The following UGGT2 variants were observed in gnomAD, a reference collection of about 807,000 sequenced individuals.
UGGT2 encodes UDP-glucose glycoprotein glucosyltransferase 2.
In UGGT2, 180 loss-of-function variants were observed where a neutral mutation model predicts 192.1. The ratio of observed to expected loss-of-function variants is 0.94; its 90% CI spans 0.83 to 1.06. The LOEUF is 1.06. UGGT2 is among the 50% of genes least tolerant of loss of function. The pLI, the probability that UGGT2 is intolerant of heterozygous loss-of-function variation, is 0.00. For missense variants in UGGT2, 1,849 were observed against 1,795.7 expected (o/e 1.03, Z -0.54); for synonymous variants, 580 against 591.0 (o/e 0.98, Z 0.27).
intron 19 of UGGT2, 53 bp downstream of exon 19, chr13:95,926,975 A>G (rs2049034393): frequency 6.8e-7 from 1 of 1,478,850 alleles, no homozygotes; most frequent in Non-Finnish European, 9.1e-7. Flanking sequence ...CCTTATGAAC[A>G]TTACAAGTTT....
intron 20 of UGGT2, among the ~76,000 whole-genome samples, chr13:95,907,870 A>G (rs1370638564): frequency 6.6e-6 from 1 of 152,242 alleles, no homozygotes; most frequent in African/African-American, 2.4e-5. Context: ...CTCGCCAGCA[A>G]CAGAACAAAG....
intron 33 of UGGT2, chr13:95,856,692 C>A: frequency 2.4e-6 from 1 of 418,156 alleles, no homozygotes; most frequent in South Asian, 1.8e-5. Context: ...GGAACACCTA[C>A]ATATCAAATA....
chr13:95,998,406 T>C (rs2051694546), intron 6 of UGGT2, among the ~76,000 whole-genome samples: 1 of 152,148 alleles, frequency 6.6e-6, no homozygotes, highest in African/African-American at 2.4e-5. Flanking sequence ...TAACCAAAAA[T>C]ATTTAAATTA....
chr13:96,017,257 G>T (rs2052367649), intron 4 of UGGT2, among the ~76,000 whole-genome samples: 1 of 152,168 alleles, frequency 6.6e-6, no homozygotes, highest in African/African-American at 2.4e-5. Context: ...AATTTGCAAT[G>T]TGAGAAGGAC....
intron 4 of UGGT2, among the ~76,000 whole-genome samples, chr13:96,017,493 C>T (rs919954810): frequency 6.6e-6 from 1 of 152,122 alleles, no homozygotes; most frequent in Non-Finnish European, 1.5e-5. Flanking sequence ...GACTGCAGAA[C>T]CATAAACCAA....
At chr13:95,909,720 T>G (rs1367028506) in intron 20 of UGGT2, among the ~76,000 whole-genome samples, 6 of 133,780 alleles carry the variant, frequency 4.5e-5, no homozygotes, top group Non-Finnish European at 7.7e-5. Flanking sequence ...ACCGGCACAA[T>G]GTGCACATGT....
At chr13:95,809,130 C>G (rs1235415219) in intron 38 of UGGT2, among the ~76,000 whole-genome samples, 1 of 152,064 alleles carries the variant, frequency 6.6e-6, no homozygotes, top group Non-Finnish European at 1.5e-5. Flanking sequence ...TGATTTAGCT[C>G]TTTTTAAAAA....
chr13:96,024,071 T>C (rs1240488762), intron 2 of UGGT2, among the ~76,000 whole-genome samples: 3 of 152,226 alleles, frequency 2.0e-5, no homozygotes, highest in Admixed American at 1.3e-4. Flanking sequence ...GGATAAGATA[T>C]AAGTCCTACC....
At chr13:95,834,079 T>C (rs931961798) in intron 37 of UGGT2, among the ~76,000 whole-genome samples, 7 of 152,196 alleles carry the variant, frequency 4.6e-5, no homozygotes, top group Non-Finnish European at 7.3e-5. Context: ...CAACACAATT[T>C]TCCTTGCAGA....
chr13:96,003,589 G>T (rs761584227), intron 5 of UGGT2, among the ~76,000 whole-genome samples: 1 of 152,158 alleles, frequency 6.6e-6, no homozygotes, highest in Non-Finnish European at 1.5e-5. Flanking sequence ...AAGAGGTATT[G>T]CAAGTTCTAC....
chr13:96,021,079 T>A, intron 4 of UGGT2, among the ~76,000 whole-genome samples: 1 of 152,158 alleles, frequency 6.6e-6, no homozygotes, highest in East Asian at 1.9e-4. Context: ...GAAGCACTGT[T>A]TTATAGTAAG....
chr13:95,821,147 TC>T (rs1682160323), intron 38 of UGGT2, among the ~76,000 whole-genome samples: 1 of 152,116 alleles, frequency 6.6e-6, no homozygotes, highest in Admixed American at 6.6e-5. Flanking sequence ...TACTTTTAGT[TC>T]TTTAAAGAGT....
chr13:95,946,966 T>G (rs943170391), intron 15 of UGGT2, 71 bp downstream of exon 15: 2 of 1,391,694 alleles, frequency 1.4e-6, no homozygotes, highest in African/African-American at 2.9e-5. Context: ...TTATACATTC[T>G]AAAGAAATCA....
chr13:95,950,539 CAA>C (rs557375454), intron 12 of UGGT2, among the ~76,000 whole-genome samples: 1 of 83,890 alleles, frequency 1.2e-5, no homozygotes, highest in Non-Finnish European at 2.2e-5. Flanking sequence ...CTGGCTCTCA[CAA>C]AAAAAAAAAA....
intron 20 of UGGT2, 29 bp from the exon 21 acceptor site, chr13:95,903,089 C>A: frequency 6.3e-7 from 1 of 1,587,370 alleles, no homozygotes; most frequent in Non-Finnish European, 8.6e-7. Context: ...ATTAAAAAGA[C>A]CAGTATCATA....
In UGGT2 at chr13:95,954,224, G is replaced by C. The variant is rs117399798; in HGVS notation, c.1336-4770C>G. 7.0e-3 allele frequency among the ~76,000 whole-genome samples: 1,067 copies of C among 152,206 alleles called. 11 individuals are homozygous for C. Among genetic ancestry groups the C allele is most frequent in the Non-Finnish European group, 0.011 (756 of 68,000 alleles). ...ATAAATAACTTTCATGTTTAGACTT[G>C]GGTCCCTTTTCCAAGATATCTCATT... On this transcript the variant is annotated intron_variant, in intron 12 of 38. Transcript: ENST00000376747.
At chr13:95,908,365 C>G (rs1223468380) in intron 20 of UGGT2, among the ~76,000 whole-genome samples, 2 of 152,184 alleles carry the variant, frequency 1.3e-5, no homozygotes, top group African/African-American at 4.8e-5. Flanking sequence ...CCTAGCAAGG[C>G]AGGCCAATGT....
chr13:95,925,259 G>A (rs935721863), intron 20 of UGGT2, among the ~76,000 whole-genome samples: 1 of 152,122 alleles, frequency 6.6e-6, no homozygotes, highest in Non-Finnish European at 1.5e-5. Context: ...ATTCTTCAGT[G>A]AGATAAATTT....
At chr13:95,927,471 T>TA in intron 17 of UGGT2, 135 bp from the exon 18 acceptor site, 1 of 59,934 alleles carries the variant, frequency 1.7e-5, no homozygotes, top group Non-Finnish European at 3.5e-5. Flanking sequence ...ATTTTCTTTC[T>TA]TTTTTTTTTT....
Sources: allele counts gnomAD v4.1 joint callset (sites outside exome capture counted in the v4.1 genomes callset), GRCh38; gene constraint gnomAD v4.1.1; transcripts MANE v1.5; gene names NCBI Gene and HGNC (gene_info 2026-07-23, HGNC 2026-07-21).